ACSM3: variants seen among roughly 807,000 people sequenced by gnomAD.
The protein encoded by ACSM3 is acyl-CoA synthetase medium chain family member 3.
Under a neutral mutation model 74.1 loss-of-function variants are expected in ACSM3, and 61 were observed. The ratio of observed to expected loss-of-function variants is 0.82; its 90% CI spans 0.67 to 1.02. The LOEUF is 1.02. Among genes scored for constraint, ACSM3 ranks in the 50% least tolerant of loss-of-function variants. The pLI is 0.00. For missense variants in ACSM3, 660 were observed against 697.0 expected, an observed-to-expected ratio of 0.95 and a Z score of 0.60; for synonymous variants, 213 against 241.5, an observed-to-expected ratio of 0.88 and a Z score of 1.09.
At chr16:20,686,440 AG>A (rs1567311686) in intron 1 of ACSM3, among the ~76,000 whole-genome samples, 1 of 152,136 alleles carries the variant, frequency 6.6e-6, no homozygotes, top group Non-Finnish European at 1.5e-5. Context: ...TTACACAGGC[AG>A]GGGAACAACA....
rs776982840 is a variant in ACSM3 at position 20,777,497 on chromosome 16, A to T, written c.555A>T (p.Ala185=). The T allele has an allele frequency of 6.2e-7, 1 of 1,614,010 alleles. No homozygotes were observed. Among genetic ancestry groups the T allele is most frequent in the Non-Finnish European group, 8.5e-7 (1 of 1,180,016 alleles). Residue 185 remains alanine, a synonymous_variant, in exon 4 of 14, where the codon GCA becomes GCT. Transcript: ENST00000289416. ...DVLAPAVDAV[A]SKCENLHSKL... is the part of the protein sequence containing the mutation. ...TAGCCCCAGCAGTAGACGCTGTTGC[A>T]TCCAAATGTGAAAATCTGCACTCCA...
chr16:20,748,635 CA>C (rs1567336179), intron 1 of ACSM3, among the ~76,000 whole-genome samples: 1 of 152,078 alleles, frequency 6.6e-6, no homozygotes, highest in Admixed American at 6.5e-5. Flanking sequence ...TAATTTTTAC[CA>C]AAAAAGTTGA....
At chr16:20,684,449 T>A (rs1367908896) in intron 1 of ACSM3, among the ~76,000 whole-genome samples, 2 of 152,214 alleles carry the variant, frequency 1.3e-5, no homozygotes, top group East Asian at 3.8e-4. Context: ...ACAAACTGAC[T>A]TCAGAATATA....
intron 1 of ACSM3, among the ~76,000 whole-genome samples, chr16:20,748,264 C>T (rs1383368449): frequency 1.3e-5 from 2 of 152,058 alleles, no homozygotes; most frequent in Non-Finnish European, 2.9e-5. Flanking sequence ...CATGAATACT[C>T]AGGTTGAATA....
intron 1 of ACSM3, among the ~76,000 whole-genome samples, chr16:20,698,067 G>A (rs1459046873): frequency 2.0e-5 from 3 of 151,716 alleles, no homozygotes; most frequent in Admixed American, 2.0e-4. Context: ...GGTGGTGGGC[G>A]CCTGTAGTCC....
At chr16:20,773,945 G>A (rs936079724) in intron 2 of ACSM3, among the ~76,000 whole-genome samples, 1 of 152,166 alleles carries the variant, frequency 6.6e-6, no homozygotes, top group African/African-American at 2.4e-5. Context: ...TCCGTCTAAT[G>A]CTGAGGGTAG....
intron 1 of ACSM3, chr16:20,729,652 C>G (rs1055862137): frequency 1.9e-5 from 4 of 208,012 alleles, no homozygotes; most frequent in Admixed American, 5.5e-5. Context: ...ATTTAATTCT[C>G]ACTATGAGGC....
At chr16:20,796,622 G>C in intron 13 of ACSM3, 133 bp downstream of exon 13, 2 of 1,515,582 alleles carry the variant, frequency 1.3e-6, no homozygotes, top group African/African-American at 1.4e-5. Flanking sequence ...TGACATATGG[G>C]TAAGAATCAG....
chr16:20,685,431 T>C (rs909276739), intron 1 of ACSM3: 21 of 1,610,266 alleles, frequency 1.3e-5, no homozygotes, highest in Non-Finnish European at 1.8e-5. Context: ...TTATGTGTTA[T>C]TTTCTGCTTC....
chr16:20,778,306 GC>G (rs768082054), intron 4 of ACSM3, among the ~76,000 whole-genome samples: 39 of 152,196 alleles, frequency 2.6e-4, no homozygotes, highest in Non-Finnish European at 5.4e-4. Context: ...AATTGGGCTG[GC>G]AGCAAAGTCC....
intron 1 of ACSM3, chr16:20,691,329 A>G (rs2079649892): frequency 9.1e-6 from 6 of 660,458 alleles, no homozygotes; most frequent in Admixed American, 3.7e-5. Flanking sequence ...CTACAGTTAT[A>G]GCTTTGTTTC....
chr16:20,789,430 T>C, intron 9 of ACSM3: 1 of 1,319,424 alleles, frequency 7.6e-7, no homozygotes, highest in Non-Finnish European at 1.1e-6. Flanking sequence ...CTTCAGGGAA[T>C]GATGAGGATT....
upstream of ACSM3, among the ~76,000 whole-genome samples, chr16:20,763,427 G>A (rs2080093379): frequency 6.6e-6 from 1 of 152,176 alleles, no homozygotes; most frequent in Non-Finnish European, 1.5e-5. Flanking sequence ...AAACAGGCAA[G>A]TGTGTTTGAG....
rs149667223 is a variant in ACSM3 at position 20,779,172 on chromosome 16, C to T, written c.639-1542C>T. ...GGCGCAGTGGCTGATGCCTATAAAT[C>T]ATCACTTTAGGAGGCTGAGGTGGGA... On this transcript the variant is annotated intron_variant, in intron 4 of 13. Transcript: ENST00000289416. 2.6e-5 allele frequency among the ~76,000 whole-genome samples: 4 copies of T among 152,180 alleles called. 1 individual carries two copies. The highest frequency in any genetic ancestry group is 9.6e-5 in the African/African-American group (4 of 41,522).
chr16:20,709,957 G>C (rs1009592294), intron 1 of ACSM3, among the ~76,000 whole-genome samples: 9 of 152,086 alleles, frequency 5.9e-5, no homozygotes, highest in Admixed American at 4.6e-4. Context: ...GAGATGTCAG[G>C]CACATAATAA....
chr16:20,769,915 T>G, intron 1 of ACSM3, 69 bp from the exon 2 acceptor site: 1 of 885,462 alleles, frequency 1.1e-6, no homozygotes, highest in Non-Finnish European at 1.8e-6. Flanking sequence ...ATAACAAAAC[T>G]TAGCCACTTT....
At chr16:20,738,824 AAGC>A (rs1161485822) in intron 1 of ACSM3, 2 of 1,529,300 alleles carry the variant, frequency 1.3e-6, no homozygotes, top group African/African-American at 2.7e-5. Context: ...GCCATTTTGT[AAGC>A]AGTATTCCCT....
rs566978110 is a variant in ACSM3, at chr16:20,765,640, G to A, written c.-52+1515G>A. On this transcript the variant is annotated intron_variant, in intron 1 of 13. Transcript: ENST00000289416. ...AAGCTTCATGGGAGCAAGACCAGCCGTGTCTTGTTCACAGCTATATTTTCA... is the reference window on the plus strand; with the variant it reads ...AAGCTTCATGGGAGCAAGACCAGCCATGTCTTGTTCACAGCTATATTTTCA... Among the ~76,000 whole-genome samples the A allele has an allele frequency of 4.6e-5, 7 of 152,230 alleles. No homozygotes were observed. The South Asian group carries it at 8.3e-4, about 18-fold the overall frequency.
At chr16:20,714,198 G>T (rs1460582060) in intron 1 of ACSM3, among the ~76,000 whole-genome samples, 1 of 138,070 alleles carries the variant, frequency 7.2e-6, no homozygotes, top group Admixed American at 7.4e-5. Context: ...CAAGAGCAAA[G>T]ATATGGAGGC....
Sources: allele counts gnomAD v4.1 joint callset (sites outside exome capture counted in the v4.1 genomes callset), GRCh38; gene constraint gnomAD v4.1.1; transcripts MANE v1.5; gene names NCBI Gene and HGNC (gene_info 2026-07-23, HGNC 2026-07-21).